NEK11: variants seen among roughly 807,000 people sequenced by gnomAD.
NEK11 encodes serine/threonine-protein kinase Nek11.
Under a neutral mutation model 80.7 loss-of-function variants are expected in NEK11, and 72 were observed. That is an observed-to-expected ratio of 0.89 (90% confidence interval 0.74 to 1.08). NEK11 has a LOEUF of 1.08. Among genes scored for constraint, NEK11 ranks in the 50% least tolerant of loss-of-function variants. The pLI, the probability that NEK11 is intolerant of heterozygous loss-of-function variation, is 0.00. For synonymous variants in NEK11, 251 were observed against 260.7 expected (o/e 0.96, Z 0.36); for missense variants, 764 against 763.6 (o/e 1.00, Z -0.01).
intron 17 of NEK11, among the ~76,000 whole-genome samples, chr3:131,316,165 C>T (rs1282053017): frequency 6.6e-6 from 1 of 152,166 alleles, no homozygotes; most frequent in Non-Finnish European, 1.5e-5. Flanking sequence ...TTATGCCTAT[C>T]TTATTTTCTA....
chr3:131,309,942 T>C (rs965359301), intron 17 of NEK11, among the ~76,000 whole-genome samples: 2 of 119,138 alleles, frequency 1.7e-5, no homozygotes, highest in African/African-American at 6.6e-5. Context: ...TAAGCTATGA[T>C]CATGCCACTG....
intron 14 of NEK11, among the ~76,000 whole-genome samples, chr3:131,223,738 T>C (rs1001760092): frequency 6.6e-6 from 1 of 152,156 alleles, no homozygotes; most frequent in Non-Finnish European, 1.5e-5. Flanking sequence ...AGGTTTCTTC[T>C]GAGCTGCTTG....
At chr3:131,293,529 A>C (rs924181051) in intron 17 of NEK11, among the ~76,000 whole-genome samples, 3 of 152,084 alleles carry the variant, frequency 2.0e-5, no homozygotes, top group African/African-American at 7.2e-5. Flanking sequence ...ATGTTTATGA[A>C]AAATACTGGT....
intron 5 of NEK11, among the ~76,000 whole-genome samples, chr3:131,120,486 G>T (rs183254740): frequency 9.2e-5 from 14 of 152,174 alleles, no homozygotes; most frequent in African/African-American, 3.1e-4. Context: ...GAGTTTCTTT[G>T]TGGCATTCTC....
intron 4 of NEK11, among the ~76,000 whole-genome samples, chr3:131,086,932 T>C (rs1313437060): frequency 6.6e-6 from 1 of 152,200 alleles, no homozygotes; most frequent in African/African-American, 2.4e-5. Flanking sequence ...TTCAAATCTT[T>C]GTCCATTTCC....
intron 17 of NEK11, among the ~76,000 whole-genome samples, chr3:131,324,901 TTC>T (rs1456540697): frequency 2.0e-5 from 3 of 152,210 alleles, no homozygotes; most frequent in African/African-American, 7.2e-5. Context: ...AATTCTGTAA[TTC>T]TGATTTTTAA....
intron 3 of NEK11, among the ~76,000 whole-genome samples, chr3:131,064,986 C>T (rs1401723509): frequency 6.6e-6 from 1 of 152,050 alleles, no homozygotes; most frequent in Admixed American, 6.6e-5. Context: ...TCCCAGACAG[C>T]GGAATAGCAT....
intron 15 of NEK11, among the ~76,000 whole-genome samples, chr3:131,230,435 T>C (rs1465895037): frequency 2.6e-5 from 4 of 152,140 alleles, no homozygotes; most frequent in Non-Finnish European, 5.9e-5. Flanking sequence ...CAGAGTGGTT[T>C]TGAGGATTAA....
intron 5 of NEK11, among the ~76,000 whole-genome samples, chr3:131,122,590 G>A (rs1404496768): frequency 6.6e-6 from 1 of 152,244 alleles, no homozygotes; most frequent in African/African-American, 2.4e-5. Flanking sequence ...GCCATTGGCT[G>A]TGCCAGCACC....
At chr3:131,165,654 T>A in intron 12 of NEK11, 135 bp downstream of exon 12, 1 of 622,920 alleles carries the variant, frequency 1.6e-6, no homozygotes, top group South Asian at 2.0e-5. Context: ...CAGGAAGGAT[T>A]CTAGAATGTA....
chr3:131,042,785 G>A (rs558817680), intron 3 of NEK11, among the ~76,000 whole-genome samples: 2 of 152,312 alleles, frequency 1.3e-5, no homozygotes, highest in South Asian at 2.1e-4. Flanking sequence ...GCCTCCACAA[G>A]TGGGTCCCTG....
chr3:131,266,190 T>A (rs2096054772), intron 16 of NEK11, among the ~76,000 whole-genome samples: 1 of 152,194 alleles, frequency 6.6e-6, no homozygotes, highest in Non-Finnish European at 1.5e-5. Flanking sequence ...TTGAAGGGTT[T>A]TTCCTGTCTC....
intron 4 of NEK11, among the ~76,000 whole-genome samples, chr3:131,085,419 A>T (rs1307519791): frequency 6.6e-6 from 1 of 152,174 alleles, no homozygotes; most frequent in Non-Finnish European, 1.5e-5. Context: ...ATATTTAATG[A>T]ATTTTCAGGT....
chr3:131,056,109 G>T (rs944284322), intron 3 of NEK11, among the ~76,000 whole-genome samples: 2 of 152,120 alleles, frequency 1.3e-5, no homozygotes, highest in African/African-American at 4.8e-5. Context: ...GTTTTCTTCC[G>T]AAGGGCTTCA....
chr3:131,110,890 T>C (rs2080017700), intron 5 of NEK11, among the ~76,000 whole-genome samples: 1 of 152,200 alleles, frequency 6.6e-6, no homozygotes, highest in Non-Finnish European at 1.5e-5. Flanking sequence ...TATTGACACC[T>C]CATAACAATC....
rs142125459 is a variant in NEK11 at position 131,316,380 on chromosome 3, T to C, written c.1719-33177T>C. 2.4e-3 allele frequency among the ~76,000 whole-genome samples: 358 copies of C among 152,334 alleles called. 3 individuals are homozygous for C. Among genetic ancestry groups the C allele is most frequent in the East Asian group, 3.7e-3 (19 of 5,186 alleles). On this transcript the variant is annotated intron_variant, in intron 17 of 17. Coordinates refer to ENST00000383366, the MANE Select transcript of NEK11 (RefSeq NM_024800.5). ...GCATGCCTGTTCCCCTCCCCAGCTT[T>C]AGAGAAACACACAGTTTTACTCACA...
At chr3:131,317,879 C>T (rs1279059471) in intron 17 of NEK11, among the ~76,000 whole-genome samples, 1 of 97,278 alleles carries the variant, frequency 1.0e-5, no homozygotes, top group African/African-American at 4.0e-5. Flanking sequence ...CTGCAGACCT[C>T]ATTTTTAAAC....
chr3:131,222,378 G>T (rs1404538186), intron 14 of NEK11, among the ~76,000 whole-genome samples: 1 of 152,062 alleles, frequency 6.6e-6, no homozygotes, highest in Non-Finnish European at 1.5e-5. Flanking sequence ...AATTTTTGTG[G>T]TATCAAATGT....
At position 131,132,797 on chromosome 3, in the gene NEK11, C is replaced by T. The variant is rs758500840; in HGVS notation, c.508C>T (p.Leu170Phe). 2 of 1,494,118 alleles carry T rather than the reference C, an allele frequency of 1.3e-6. No homozygotes were observed. The highest frequency in any genetic ancestry group is 1.8e-6 in the Non-Finnish European group (2 of 1,092,022). 92.6% of individuals were successfully genotyped at this position (1,494,118 alleles called of 1,614,324 possible). A position where few individuals can be genotyped will look rare whatever the true frequency, so the allele number is the denominator to read the frequency against. ...AAAGAATGTATTTCTGAAAAATAAT[C>T]TCCTTAAAATTGGTAAGATTTTAAA... Reference protein sequence around the residue: ...KSKNVFLKNNLLKIGDFGVSR... With the variant: ...KSKNVFLKNNFLKIGDFGVSR... Residue 170 changes from leucine to phenylalanine, a missense_variant, in exon 6 of 18, where the codon CTC becomes TTC. Transcript: ENST00000383366.
Sources: gnomAD v4.1 joint callset for allele counts (sites outside exome capture counted in the v4.1 genomes callset) on GRCh38, gnomAD v4.1.1 for gene constraint, MANE v1.5 for transcripts, NCBI Gene and HGNC (gene_info 2026-07-23, HGNC 2026-07-21) for gene names.